Variants in TAF5 observed in about 807,000 individuals in gnomAD.
TAF5 encodes transcription initiation factor TFIID subunit 5.
In TAF5, 20 loss-of-function variants were observed where a neutral mutation model predicts 80.9. That is an observed-to-expected ratio of 0.25 (90% confidence interval 0.17 to 0.36). The LOEUF (loss-of-function observed/expected upper bound fraction) is 0.36. Among genes scored for constraint, TAF5 ranks in the 10% least tolerant of loss-of-function variants. The pLI, the probability that TAF5 is intolerant of heterozygous loss-of-function variation, is 1.00. For synonymous variants in TAF5, 388 were observed against 406.4 expected, an observed-to-expected ratio of 0.95 and a Z score of 0.55; for missense variants, 863 against 1,029.4, an observed-to-expected ratio of 0.84 and a Z score of 2.21.
Position 103,379,630 on chromosome 10 carries a change from A to G in TAF5, c.1136A>G (p.Glu379Gly). Residue 379 changes from glutamate (E) to glycine (G), a missense_variant, in exon 4 of 11, where the codon GAA becomes GGA. Coordinates refer to ENST00000369839, the MANE Select transcript of TAF5 (RefSeq NM_006951.5). Reference sequence around the variant, plus strand: ...TAGGTATTTTTTGGTTTATTAAAAGAACCAGAAATTGAGGTACCTTTGGAT... The same window carrying G: ...TAGGTATTTTTTGGTTTATTAAAAGGACCAGAAATTGAGGTACCTTTGGAT... Reference protein sequence around the residue: ...KSKVFFGLLKEPEIEVPLDDE... With the variant: ...KSKVFFGLLKGPEIEVPLDDE... The G allele has an allele frequency of 1.3e-6, 2 of 1,585,330 alleles. No individual in the cohort carries two copies. Among genetic ancestry groups the G allele is most frequent in the Non-Finnish European group, 1.7e-6 (2 of 1,173,276 alleles).
intron 7 of TAF5, among the ~76,000 whole-genome samples, chr10:103,384,439 T>A (rs954969377): frequency 6.6e-6 from 1 of 152,176 alleles, no homozygotes; most frequent in East Asian, 1.9e-4. Flanking sequence ...GAGACCAGCC[T>A]GGCCAACATG....
Position 103,381,732 on chromosome 10 carries a change from A to G in TAF5, c.1425A>G (p.Ala475=). 1 of 1,614,182 alleles carries G rather than the reference A, an allele frequency of 6.2e-7. No homozygotes were observed. Among genetic ancestry groups the G allele is most frequent in the Non-Finnish European group, 8.5e-7 (1 of 1,180,030 alleles). ...CCTTTTATTGGCAGGGTCTCACTGC[A>G]GTGGATGTCACTGATGATTCTAGTC... is the stretch of plus-strand genomic sequence containing the variant. ...TFLNAYQGLT[A]VDVTDDSSLI... is the part of the protein sequence containing the mutation. The change falls in exon 6 of 11, where the codon GCA becomes GCG. Residue 475 remains alanine, a synonymous_variant. Transcript: ENST00000369839.
chr10:103,370,550 A>C (rs2093357157), intron 1 of TAF5, among the ~76,000 whole-genome samples: 1 of 151,804 alleles, frequency 6.6e-6, no homozygotes. Context: ...GATGGTCTCG[A>C]TCTCCTGACC....
intron 7 of TAF5, among the ~76,000 whole-genome samples, chr10:103,383,721 G>A (rs558727108): frequency 6.6e-6 from 1 of 152,050 alleles, no homozygotes; most frequent in East Asian, 1.9e-4. Flanking sequence ...TGGGATTACA[G>A]GCATGCGCCA....
chr10:103,385,609 G>A, intron 8 of TAF5, 119 bp downstream of exon 8: 1 of 1,176,434 alleles, frequency 8.5e-7, no homozygotes, highest in Non-Finnish European at 1.2e-6. Context: ...AACTTTCTGA[G>A]AAGCTTTTGC....
chr10:103,368,038 C>T lies in TAF5; in HGVS notation c.49C>T (p.Pro17Ser), dbSNP rs1413490856. ...GACGGAGGTGGCGGTCAAGCTAGAG[C>T]CTGAGGGACCGCCAACGCTGCTACC... ...EQTEVAVKLE[P>S]EGPPTLLPPQ... Residue 17 changes from proline to serine, a missense_variant, in exon 1 of 11, where the codon CCT becomes TCT. Physicochemically the swap from Pro to Ser is moderately conservative, Grantham distance 74. This residue lies in a region of TAF5 where 367 missense variants were observed against 335.5 expected (regional missense o/e 1.09). Transcript: ENST00000369839. 2 of 1,453,914 alleles carry T rather than the reference C, an allele frequency of 1.4e-6. No homozygotes were observed. Among genetic ancestry groups the T allele is most frequent in the Non-Finnish European group, 1.8e-6 (2 of 1,107,946 alleles). The allele number at this position is 1,453,914 out of a possible 1,614,324, so 90.1% of individuals were successfully genotyped here.
At position 103,368,299 on chromosome 10, in the gene TAF5, C is replaced by G. The variant is rs776783699; in HGVS notation, c.310C>G (p.Leu104Val). 1 of 1,584,120 alleles carries G rather than the reference C, an allele frequency of 6.3e-7. No individual in the cohort carries two copies. Among genetic ancestry groups the G allele is most frequent in the Non-Finnish European group, 8.5e-7 (1 of 1,173,828 alleles). ...GACTCTACTGGCCGTGCTGCAGTTC[C>G]TACGGCAGAGCAAACTCCGCGAGGC... ...RQTLLAVLQF[L>V]RQSKLREAEE... The change falls in exon 1 of 11, where the codon CTA (leucine) becomes GTA (valine). Residue 104 changes from leucine (L) to valine (V), a missense_variant. Transcript: ENST00000369839.
chr10:103,383,144 CAAATGTT>C lies in TAF5; in HGVS notation c.1535-91_1535-85del, dbSNP rs368658296. 8.3e-4 allele frequency: 1,023 copies of C among 1,234,348 alleles called. 1 individual carries two copies. The highest frequency in any genetic ancestry group is 1.1e-3 in the Middle Eastern group (5 of 4,468). 76.5% of individuals were successfully genotyped at this position (1,234,348 alleles called of 1,614,324 possible). On this transcript the variant is annotated intron_variant, in intron 6 of 10. Coordinates refer to ENST00000369839, the MANE Select transcript of TAF5 (RefSeq NM_006951.5). ...CGGTTGGTATATAGGAGGAAATTTT[CAAATGTT>C]AATTCCTCTCCTGCACTGTGATATG... is the stretch of plus-strand genomic sequence containing the variant.
At chr10:103,382,189 A>G (rs2093384511) in intron 6 of TAF5, among the ~76,000 whole-genome samples, 2 of 152,180 alleles carry the variant, frequency 1.3e-5, no homozygotes, top group South Asian at 4.1e-4. Context: ...AAAAAGAACA[A>G]ATAAGGTCAG....
intron 10 of TAF5, 112 bp downstream of exon 10, chr10:103,387,810 TC>T: frequency 8.3e-7 from 1 of 1,199,434 alleles, no homozygotes; most frequent in Non-Finnish European, 1.2e-6. Flanking sequence ...TAGCTATGAT[TC>T]CAGAGTGTCA....
rs761218602 is a variant in TAF5 at position 103,378,360 on chromosome 10, G to A, written c.923G>A (p.Arg308His). The change falls in exon 3 of 11, where the codon CGT (arginine) becomes CAT (histidine). Residue 308 changes from arginine to histidine, a missense_variant. By Grantham distance (29) the Arg-to-His change is conservative (BLOSUM62 0). Coordinates refer to ENST00000369839, the MANE Select transcript of TAF5 (RefSeq NM_006951.5). This position sits in a 1 kb window ranked among gnomAD's most constrained non-coding sequence, Gnocchi z 4.1. ...TTTCGAACAAGTAAATTTGTTCTGC[G>A]TATTTCCCGTGACTCGTACCAACTC... Reference protein sequence around the residue: ...LDFRTSKFVLRISRDSYQLLK... With the variant: ...LDFRTSKFVLHISRDSYQLLK... 12 of 1,614,020 alleles carry A rather than the reference G, an allele frequency of 7.4e-6. No individual in the cohort carries two copies. The highest frequency in any genetic ancestry group is 2.7e-5 in the African/African-American group (2 of 74,902).
chr10:103,379,707 C>G lies in TAF5; in HGVS notation c.1213C>G (p.Pro405Ala), dbSNP rs1592093497. ...AGAAGGAAAACCTAAAAAGAAGAAG[C>G]CTAAAAAAGATAGTATTGGATCCAA... ...NEEGKPKKKK[P>A]KKDSIGSKSK... Residue 405 changes from proline (P) to alanine (A), a missense_variant, in exon 4 of 11, where the codon CCT becomes GCT. By Grantham distance (27) the Pro-to-Ala change is conservative (BLOSUM62 -1). This residue lies in a region of TAF5 where 128 missense variants were observed against 232.2 expected (regional missense o/e 0.55). Transcript: ENST00000369839. The G allele has an allele frequency of 3.1e-6, 5 of 1,610,082 alleles. No individual in the cohort carries two copies. The highest frequency in any genetic ancestry group is 3.4e-6 in the Non-Finnish European group (4 of 1,179,126).
chr10:103,368,680 G>C (rs2093351675), intron 1 of TAF5, 132 bp downstream of exon 1: 7 of 1,234,850 alleles, frequency 5.7e-6, no homozygotes, highest in Non-Finnish European at 7.4e-6. Context: ...CCACATGCCC[G>C]CCCCTTTCTC....
At chr10:103,383,073 T>C (rs1326399045) in intron 6 of TAF5, among the ~76,000 whole-genome samples, 165 bp from the exon 7 acceptor site, 1 of 152,224 alleles carries the variant, frequency 6.6e-6, no homozygotes, top group Non-Finnish European at 1.5e-5. Flanking sequence ...TTTCTTCTCT[T>C]ACACGCTGAG....
At chr10:103,379,184 A>G (rs546027109) in intron 3 of TAF5, among the ~76,000 whole-genome samples, 53 of 152,328 alleles carry the variant, frequency 3.5e-4, no homozygotes, top group Admixed American at 2.7e-3. Flanking sequence ...CTGATCCACC[A>G]TCTTCAGAAT....
chr10:103,372,461 A>G (rs970741229), intron 1 of TAF5, among the ~76,000 whole-genome samples: 1 of 150,238 alleles, frequency 6.7e-6, no homozygotes, highest in African/African-American at 2.4e-5. Context: ...CAGCCTCCCG[A>G]GTAGCTGGGA....
intron 6 of TAF5, 87 bp downstream of exon 6, chr10:103,381,928 C>T: frequency 6.5e-7 from 1 of 1,526,904 alleles, no homozygotes; most frequent in Non-Finnish European, 8.9e-7. Context: ...AGATTGTGTT[C>T]TTTACAGAAA....
At chr10:103,382,638 T>C (rs939314268) in intron 6 of TAF5, among the ~76,000 whole-genome samples, 1 of 144,038 alleles carries the variant, frequency 6.9e-6, no homozygotes, top group Non-Finnish European at 1.5e-5. Flanking sequence ...TTTCCATAGG[T>C]TTTTTTTTTT....
In TAF5 at chr10:103,388,455, A is replaced by G. The variant is rs1328283609; in HGVS notation, c.*232A>G. ...TATTATGATCATGGAGGGGACATTT[A>G]TGGTGCTTTGGATTGTGTGGAAACT... On this transcript the variant is annotated 3_prime_UTR_variant, in exon 11 of 11. Transcript: ENST00000369839. 2.4e-6 allele frequency: 1 copy of G among 413,662 alleles called. No homozygotes were observed. Among genetic ancestry groups the G allele is most frequent in the Non-Finnish European group, 4.3e-6 (1 of 229,946 alleles). The allele number at this position is 413,662 out of a possible 1,614,324, so 25.6% of individuals were successfully genotyped here.
Sources: allele counts gnomAD v4.1 joint callset (sites outside exome capture counted in the v4.1 genomes callset), GRCh38; gene constraint gnomAD v4.1.1; regional missense constraint gnomAD v4.1.1; non-coding constraint Gnocchi (gnomAD v3.1); transcripts MANE v1.5; gene names NCBI Gene and HGNC (gene_info 2026-07-23, HGNC 2026-07-21).